Variants in SCIMP observed in about 807,000 individuals in gnomAD.
SCIMP encodes the protein SLP adaptor and CSK interacting membrane protein, also known as SLP adapter and CSK-interacting membrane protein.
In SCIMP, 18 loss-of-function variants were observed where a neutral mutation model predicts 22.0. The ratio of observed to expected loss-of-function variants is 0.82; its 90% CI spans 0.56 to 1.21. SCIMP has a LOEUF of 1.21. Among genes scored for constraint, SCIMP ranks in the 50% most tolerant of loss-of-function variants. SCIMP has a pLI of 0.00. For synonymous variants in SCIMP, 53 were observed against 62.2 expected (o/e 0.85, Z 0.70); for missense variants, 155 against 171.2 (o/e 0.91, Z 0.53).
chr17:5,215,082 A>T, intron 3 of SCIMP, 84 bp from the exon 4 acceptor site: 1 of 843,236 alleles, frequency 1.2e-6, no homozygotes, highest in Non-Finnish European at 2.1e-6. Flanking sequence ...CATCAAGGAA[A>T]GTGAATGGGT....
rs569423985 is a variant in SCIMP, at chr17:5,210,972, G to C, written c.284-17C>G. 5.7e-6 allele frequency: 9 copies of C among 1,591,264 alleles called. No homozygotes were observed. The South Asian group carries it at 8.1e-5, about 14-fold the overall frequency. ...CCTGTGGGGCTAGAATACACAAAAA[G>C]CTCCTTAGATGCAAAGCTGTCATGT... On this transcript the variant is annotated splice_polypyrimidine_tract_variant and intron_variant, in intron 4 of 4. Transcript: ENST00000574081.
chr17:5,219,457 A>G (rs1214461558), intron 3 of SCIMP, among the ~76,000 whole-genome samples: 1 of 151,942 alleles, frequency 6.6e-6, no homozygotes, highest in African/African-American at 2.4e-5. Context: ...GTGAAACGCC[A>G]TCTCTACTAA....
In SCIMP at chr17:5,218,591, C is replaced by T. The variant is rs139602473; in HGVS notation, c.209+2696G>A. 1.2e-4 allele frequency among the ~76,000 whole-genome samples: 19 copies of T among 152,100 alleles called. No individual in the cohort carries two copies. In the East Asian group the frequency reaches 2.9e-3, roughly 23 times the overall value. On this transcript the variant is annotated intron_variant, in intron 3 of 4. Transcript: ENST00000574081. The stretch of plus-strand genomic sequence containing the variant: ...CTGACCTCAGGTGATCTGCCTGCAT[C>T]GGCCTCCCAAAGTCTGGGATTACAG...
chr17:5,212,033 G>A (rs2144301411), intron 4 of SCIMP, among the ~76,000 whole-genome samples: 1 of 151,756 alleles, frequency 6.6e-6, no homozygotes, highest in African/African-American at 2.4e-5. Flanking sequence ...GGGCAACAGA[G>A]CGAGACTCTG....
intron 4 of SCIMP, 93 bp from the exon 5 acceptor site, chr17:5,211,048 G>C (rs750551418): frequency 2.7e-6 from 4 of 1,508,098 alleles, no homozygotes; most frequent in Admixed American, 2.3e-5. Flanking sequence ...ACGTTTCAGT[G>C]ATCTTCCCAC....
Position 5,210,671 on chromosome 17 carries a change from T to TA in SCIMP, c.*129dup. 1 of 1,264,376 alleles carries TA rather than the reference T, an allele frequency of 7.9e-7. No individual in the cohort carries two copies. 78.3% of individuals were successfully genotyped at this position (1,264,376 alleles called of 1,614,324 possible). ...CTAAGGTTTGGGAAGTGCTTTATCTTATAGAGCTTCATAAAATCACCACTG... is the reference window on the plus strand; with the variant it reads ...CTAAGGTTTGGGAAGTGCTTTATCTTAATAGAGCTTCATAAAATCACCACTG... On this transcript the variant is annotated 3_prime_UTR_variant, in exon 5 of 5. Transcript: ENST00000574081.
chr17:5,223,594 G>A (rs1597290436), intron 1 of SCIMP, 138 bp from the exon 2 acceptor site: 1 of 755,496 alleles, frequency 1.3e-6, no homozygotes, highest in East Asian at 2.7e-5. Context: ...CCAGGCTGGA[G>A]TGCAATGACG....
At position 5,214,980 on chromosome 17, in the gene SCIMP, C is replaced by T. The variant is rs974761908; in HGVS notation, c.228G>A (p.Ser76=). 2.5e-6 allele frequency: 4 copies of T among 1,609,464 alleles called. No individual in the cohort carries two copies. Among genetic ancestry groups the T allele is most frequent in the South Asian group, 2.2e-5 (2 of 90,960 alleles). ...EKMYENVLNE[S]PVQLPPLPPR... The stretch of plus-strand genomic sequence containing the variant: ...GTGGCAGAGGCGGTAATTGAACTGG[C>T]GACTCATTAAGAACATTCCTAGAGA... The change falls in exon 4 of 5, where the codon TCG becomes TCA. Residue 76 remains serine, a synonymous_variant. Transcript: ENST00000574081.
intron 2 of SCIMP, among the ~76,000 whole-genome samples, 185 bp from the exon 3 acceptor site, chr17:5,221,535 T>G (rs1028440548): frequency 1.3e-5 from 2 of 152,150 alleles, no homozygotes; most frequent in African/African-American, 2.4e-5. Flanking sequence ...ATGGGTGGTG[T>G]TTATTTTCTC....
At chr17:5,212,670 A>G (rs1336252116) in intron 4 of SCIMP, among the ~76,000 whole-genome samples, 1 of 152,206 alleles carries the variant, frequency 6.6e-6, no homozygotes, top group Admixed American at 6.6e-5. Context: ...CCTGGCTTGT[A>G]GAGTTGTGAG....
At chr17:5,233,024 C>T (rs1356927092) in intron 1 of SCIMP, among the ~76,000 whole-genome samples, 1 of 152,048 alleles carries the variant, frequency 6.6e-6, no homozygotes, top group African/African-American at 2.4e-5. Context: ...ACTTGTCCTT[C>T]TCACTGATGT....
intron 1 of SCIMP, among the ~76,000 whole-genome samples, chr17:5,227,575 G>A (rs2074660566): frequency 6.6e-6 from 1 of 152,188 alleles, no homozygotes; most frequent in East Asian, 1.9e-4. Context: ...AATAGAACCA[G>A]AGAGAAGGGG....
At chr17:5,233,110 G>A (rs1041099605) in intron 1 of SCIMP, among the ~76,000 whole-genome samples, 1 of 152,132 alleles carries the variant, frequency 6.6e-6, no homozygotes, top group African/African-American at 2.4e-5. Context: ...GCACGGCAGG[G>A]TCATTAAAAG....
chr17:5,232,039 G>A (rs868685027), intron 1 of SCIMP, among the ~76,000 whole-genome samples: 1 of 150,188 alleles, frequency 6.7e-6, no homozygotes, highest in African/African-American at 2.4e-5. Flanking sequence ...CTGGGCGACA[G>A]AGCGAGACTC....
At position 5,210,750 on chromosome 17, in the gene SCIMP, A is replaced by G. The variant is rs533393325; in HGVS notation, c.*51T>C. The G allele has an allele frequency of 2.5e-5, 40 of 1,570,944 alleles. No homozygotes were observed. The African/African-American group carries it at 4.9e-4, about 19-fold the overall frequency. On this transcript the variant is annotated 3_prime_UTR_variant, in exon 5 of 5. Transcript: ENST00000574081. ...TTCAACCATTCTTGATTGTTTTAAA[A>G]TAAGTTGTGTGAACCCTCTTCAGTT...
chr17:5,220,494 T>G (rs967668028), intron 3 of SCIMP, among the ~76,000 whole-genome samples: 20 of 150,244 alleles, frequency 1.3e-4, no homozygotes, highest in Non-Finnish European at 2.8e-4. Flanking sequence ...ATCCCAGCAC[T>G]TTGGGAGGCC....
intron 1 of SCIMP, 114 bp from the exon 2 acceptor site, chr17:5,223,570 T>C (rs201486393): frequency 9.8e-7 from 1 of 1,021,846 alleles, no homozygotes; most frequent in East Asian, 2.4e-5. Context: ...TGAGTCGGAG[T>C]CTCACTCTGT....
chr17:5,216,240 C>A (rs149196504), intron 3 of SCIMP, among the ~76,000 whole-genome samples: 6 of 152,034 alleles, frequency 3.9e-5, no homozygotes, highest in Non-Finnish European at 8.8e-5. Context: ...TGTACTCCCA[C>A]GGTGGAATGT....
In SCIMP at chr17:5,209,448, C is replaced by T. The variant is rs925035459; in HGVS notation, c.*1353G>A. ...TTCATAGAGTCTGGAAAGAGAGAAC[C>T]AGGGAGGAAGCCCAGGTCCCCAGTG... On this transcript the variant is annotated 3_prime_UTR_variant, in exon 5 of 5. Coordinates refer to ENST00000574081, the MANE Select transcript of SCIMP (RefSeq NM_207103.3). 2.0e-5 allele frequency: 3 copies of T among 152,138 alleles called. No individual in the cohort carries two copies. The highest frequency in any genetic ancestry group is 7.2e-5 in the African/African-American group (3 of 41,424). The allele number at this position is 152,138 out of a possible 1,614,324, so 9.4% of individuals were successfully genotyped here. A position where few individuals can be genotyped will look rare whatever the true frequency, so the allele number is the denominator to read the frequency against.
Sources: gnomAD v4.1 joint callset for allele counts (sites outside exome capture counted in the v4.1 genomes callset) on GRCh38, gnomAD v4.1.1 for gene constraint, MANE v1.5 for transcripts, NCBI Gene and HGNC (gene_info 2026-07-23, HGNC 2026-07-21) for gene names.